The following CXorf65 variants were observed in gnomAD, a reference collection of about 807,000 sequenced individuals.
CXorf65 encodes the protein chromosome X open reading frame 65.
For synonymous variants in CXorf65, 54 were observed against 51.4 expected (o/e 1.05, Z -0.21); for missense variants, 137 against 144.7 (o/e 0.95, Z 0.27).
chrX:71,104,072 C>T lies in CXorf65; in HGVS notation c.467G>A (p.Arg156His), dbSNP rs12009522. The change falls in exon 6 of 6, where the codon CGC (arginine) becomes CAC (histidine). Residue 156 changes from arginine (R) to histidine (H), a missense_variant. Transcript: ENST00000374251. Reference protein sequence around the residue: ...SGRSDKKKSTRKSPTFRNRPD... With the variant: ...SGRSDKKKSTHKSPTFRNRPD... ...TCTGTTCCTAAAGGTCGGAGACTTG[C>T]GAGTGGACTTCTTTTTGTCTGATCG... The T allele has an allele frequency of 3.7e-3, 4,448 of 1,207,073 alleles. 105 individuals are homozygous for T. In the African/African-American group the frequency reaches 0.069, roughly 19 times the overall value.
chrX:71,104,528 T>C (rs1477349103), intron 4 of CXorf65, 124 bp from the exon 5 acceptor site: 10 of 528,646 alleles, frequency 1.9e-5, no homozygotes, highest in African/African-American at 4.8e-5. Context: ...AATGATGGAA[T>C]GGTGACAGGG....
rs755565791 is a variant in CXorf65, at chrX:71,106,368, G to A, written c.84C>T (p.Ile28=). The A allele has an allele frequency of 2.2e-5, 27 of 1,208,047 alleles. No homozygotes were observed. The Middle Eastern group carries it at 9.1e-4, about 41-fold the overall frequency. Residue 28 remains isoleucine (I), a synonymous_variant, in exon 2 of 6, where the codon ATC becomes ATT. Coordinates refer to ENST00000374251, the MANE Select transcript of CXorf65 (RefSeq NM_001025265.3). ...TTTTAGGCAACTTTACTTTACTGCGGATGTAATACAGCAACACGACGACAG... is the reference window on the plus strand; with the variant it reads ...TTTTAGGCAACTTTACTTTACTGCGAATGTAATACAGCAACACGACGACAG... ...NCAVVVLLYY[I]RSKVKLPKTN...
intron 3 of CXorf65, 117 bp downstream of exon 3, chrX:71,105,883 T>A (rs1002550206): frequency 2.5e-6 from 2 of 806,927 alleles, no homozygotes; most frequent in African/African-American, 4.1e-5. Flanking sequence ...CTCAAAGTGC[T>A]GAGATTACAA....
intron 4 of CXorf65, 31 bp from the exon 5 acceptor site, chrX:71,104,435 T>C: frequency 2.0e-6 from 2 of 994,211 alleles, no homozygotes; most frequent in East Asian, 6.2e-5. Context: ...CCTGCACCTC[T>C]GAGAACTAGA....
intron 1 of CXorf65, 22 bp from the exon 2 acceptor site, chrX:71,106,448 C>G (rs768683538): frequency 8.4e-7 from 1 of 1,194,008 alleles, no homozygotes; most frequent in Middle Eastern, 2.3e-4. Flanking sequence ...TAGGATGGGA[C>G]ACATGGGCCC....
In CXorf65 at chrX:71,104,803, C is replaced by T. The variant is rs1183414194; in HGVS notation, c.285G>A (p.Val95=). 1 of 1,211,299 alleles carries T rather than the reference C, an allele frequency of 8.3e-7. No homozygotes were observed. The highest frequency in any genetic ancestry group is 1.1e-6 in the Non-Finnish European group (1 of 895,145). Residue 95 remains valine, a synonymous_variant, in exon 4 of 6, where the codon GTG becomes GTA. Transcript: ENST00000374251. ...TRLENAYRAF[V]PLLKNPEPWL... is the part of the protein sequence containing the mutation. ...AAGGCTCCGGATTCTTGAGGAGAGG[C>T]ACAAAAGCTCTGTAAGCATTCTCCA... is the stretch of plus-strand genomic sequence containing the variant.
intron 4 of CXorf65, 92 bp downstream of exon 4, chrX:71,104,677 T>G: frequency 5.5e-6 from 5 of 909,876 alleles, no homozygotes; most frequent in Non-Finnish European, 7.9e-6. Flanking sequence ...TCATCTGACC[T>G]ACCATATCAC....
At position 71,106,649 on chromosome X, in the gene CXorf65, A is replaced by G; in HGVS notation, c.-93T>C. The G allele has an allele frequency of 3.3e-6, 4 of 1,201,795 alleles. No individual in the cohort carries two copies. Among genetic ancestry groups the G allele is most frequent in the Non-Finnish European group, 4.5e-6 (4 of 891,036 alleles). On this transcript the variant is annotated 5_prime_UTR_variant, in exon 1 of 6. It removes the in-frame stop codon of an upstream open reading frame in the 5' UTR. Transcript: ENST00000374251. ...GGCCTTGTGTGGGGCAAATAGGCCTATAGGGTTGGTGGACTAGAGAGGCAG... is the reference window on the plus strand; with the variant it reads ...GGCCTTGTGTGGGGCAAATAGGCCTGTAGGGTTGGTGGACTAGAGAGGCAG...
intron 4 of CXorf65, 124 bp downstream of exon 4, chrX:71,104,645 C>T: frequency 1.4e-6 from 1 of 708,071 alleles, no homozygotes; most frequent in Admixed American, 2.6e-5. Flanking sequence ...CTGGACCCTG[C>T]CCGCCTTTTC....
chrX:71,106,120 C>G lies in CXorf65; in HGVS notation c.130G>C (p.Glu44Gln). 1 of 1,210,896 alleles carries G rather than the reference C, an allele frequency of 8.3e-7. No individual in the cohort carries two copies. The highest frequency in any genetic ancestry group is 3.0e-5 in the East Asian group (1 of 33,856). Residue 44 changes from glutamate to glutamine, a missense_variant, in exon 3 of 6, where the codon GAA becomes CAA. By Grantham distance (29) the Glu-to-Gln change is conservative (BLOSUM62 2). Transcript: ENST00000374251. ...AGCATCTTCATTTTCCCCGTTTGTT[C>G]ACACAAATCGATGGTGTCTGGAGGG... ...LPKTNTIDLCEQTGKMKMLFL... is the reference protein window; with the variant it reads ...LPKTNTIDLCQQTGKMKMLFL...
intron 3 of CXorf65, 112 bp from the exon 4 acceptor site, chrX:71,104,949 C>T (rs1602285896): frequency 4.4e-6 from 3 of 685,197 alleles, no homozygotes; most frequent in East Asian, 3.5e-5. Context: ...TGCGGTGGCT[C>T]ACGCCTGTAA....
intron 5 of CXorf65, 38 bp downstream of exon 5, chrX:71,104,260 G>A: frequency 1.8e-6 from 2 of 1,101,405 alleles, no homozygotes; most frequent in Non-Finnish European, 2.5e-6. Flanking sequence ...GGTAGGGAGA[G>A]GGGGGTGCTG....
intron 2 of CXorf65, 84 bp from the exon 3 acceptor site, chrX:71,106,221 T>G (rs1304141956): frequency 8.9e-7 from 1 of 1,125,685 alleles, no homozygotes; most frequent in Non-Finnish European, 1.2e-6. Context: ...ACAAAATGGG[T>G]TGGAGGAAGC....
rs1387852973 is a variant in CXorf65 at position 71,103,910 on chromosome X, T to C, written c.*77A>G. ...GCCTGGGGCGTATGTACTCAAGCCTTAGTGCAGATATTGGGAGAAGGAGTC... is the reference window on the plus strand; with the variant it reads ...GCCTGGGGCGTATGTACTCAAGCCTCAGTGCAGATATTGGGAGAAGGAGTC... On this transcript the variant is annotated 3_prime_UTR_variant, in exon 6 of 6. Transcript: ENST00000374251. 14 of 1,073,602 alleles carry C rather than the reference T, an allele frequency of 1.3e-5. No homozygotes were observed. Among genetic ancestry groups the C allele is most frequent in the Non-Finnish European group, 1.5e-5 (12 of 775,579 alleles). 88.5% of individuals were successfully genotyped at this position (1,073,602 alleles called of 1,213,427 possible).
intron 1 of CXorf65, 25 bp from the exon 2 acceptor site, chrX:71,106,451 A>G: frequency 1.7e-6 from 2 of 1,191,008 alleles, no homozygotes; most frequent in South Asian, 1.8e-5. Context: ...GATGGGACAC[A>G]TGGGCCCATT....
chrX:71,106,392 A>G lies in CXorf65; in HGVS notation c.60T>C (p.Ala20=). The change falls in exon 2 of 6, where the codon GCT becomes GCC. Residue 20 remains alanine, a synonymous_variant. Coordinates refer to ENST00000374251, the MANE Select transcript of CXorf65 (RefSeq NM_001025265.3). ...GGATGTAATACAGCAACACGACGAC[A>G]GCACAGTTGGTATTGACCAGAAACT... ...NQQFLVNTNC[A]VVVLLYYIRS... 11 of 1,211,015 alleles carry G rather than the reference A, an allele frequency of 9.1e-6. No individual in the cohort carries two copies. The highest frequency in any genetic ancestry group is 1.2e-5 in the Non-Finnish European group (11 of 894,821).
intron 4 of CXorf65, 146 bp downstream of exon 4, chrX:71,104,623 C>A: frequency 1.7e-6 from 1 of 580,452 alleles, no homozygotes. Context: ...AAACGTCCCT[C>A]CTAAAGTGGA....
Position 71,106,436 on chromosome X carries a change from G to T in CXorf65, c.26-10C>A. 8.3e-7 allele frequency: 1 copy of T among 1,201,147 alleles called. No individual in the cohort carries two copies. Among genetic ancestry groups the T allele is most frequent in the Non-Finnish European group, 1.1e-6 (1 of 885,883 alleles). Reference sequence around the variant, plus strand: ...AGAAACTGCTGATTATCTGAGAAGAGATAGGATGGGACACATGGGCCCATT... The same window carrying T: ...AGAAACTGCTGATTATCTGAGAAGATATAGGATGGGACACATGGGCCCATT... On this transcript the variant is annotated splice_polypyrimidine_tract_variant and intron_variant, in intron 1 of 5. Transcript: ENST00000374251.
intron 5 of CXorf65, 56 bp from the exon 6 acceptor site, chrX:71,104,168 C>T: frequency 8.5e-7 from 1 of 1,179,728 alleles, no homozygotes; most frequent in Non-Finnish European, 1.1e-6. Context: ...TTTCTACAAC[C>T]CAGGGCCAAA....
Sources: allele counts gnomAD v4.1 joint callset, GRCh38; gene constraint gnomAD v4.1.1; transcripts MANE v1.5; gene names NCBI Gene and HGNC (gene_info 2026-07-23, HGNC 2026-07-21).